The following GUF1 variants were observed in gnomAD, a reference collection of about 807,000 sequenced individuals.
GUF1 encodes the protein translation factor GUF1, mitochondrial.
A neutral mutation model predicts 82.4 loss-of-function variants in GUF1; 78 were observed. That is an observed-to-expected ratio of 0.95 (90% CI 0.79 to 1.14). The LOEUF (loss-of-function observed/expected upper bound fraction) is 1.14, where lower values mean the gene tolerates loss of function less well. Among genes scored for constraint, GUF1 ranks in the 50% most tolerant of loss-of-function variants. The pLI is 0.00. For missense variants in GUF1, 814 were observed against 798.2 expected (o/e 1.02, Z -0.24); for synonymous variants, 279 against 282.3 (o/e 0.99, Z 0.12).
Position 44,688,023 on chromosome 4 carries a change from G to T in GUF1, c.955G>T (p.Gly319Cys), listed in dbSNP as rs779998105. The T allele has an allele frequency of 1.2e-6, 2 of 1,611,650 alleles. No individual in the cohort carries two copies. The highest frequency in any genetic ancestry group is 2.7e-5 in the African/African-American group (2 of 74,750). Reference sequence around the variant, plus strand: ...TTTATTTAGATATGCAGGACAGGTGGGCTATCTGATTGCTGGGATGAAAGA... The same window carrying T: ...TTTATTTAGATATGCAGGACAGGTGTGCTATCTGATTGCTGGGATGAAAGA... ...PTHKLYAGQV[G>C]YLIAGMKDVT... Residue 319 changes from glycine (G) to cysteine (C), a missense_variant, in exon 9 of 17, where the codon GGC becomes TGC. Coordinates refer to ENST00000281543, the MANE Select transcript of GUF1 (RefSeq NM_021927.3).
rs1714822921 is a variant in GUF1, at chr4:44,682,412, G to C, written c.585+1G>C. On this transcript the variant is annotated splice_donor_variant, in intron 5 of 16. Transcript: ENST00000281543. LOFTEE classifies it high-confidence loss of function. ...ATCGGTAATTCCAGTTATAAATAAG[G>C]TAATTACAATGAGACAACAGTGTTG... 1 of 1,481,378 alleles carries C rather than the reference G, an allele frequency of 6.8e-7. No homozygotes were observed. The highest frequency in any genetic ancestry group is 9.0e-7 in the Non-Finnish European group (1 of 1,105,264). The allele number at this position is 1,481,378 out of a possible 1,614,324, so 91.8% of individuals were successfully genotyped here. A position where few individuals can be genotyped will look rare whatever the true frequency, so the allele number is the denominator to read the frequency against.
chr4:44,694,571 T>TCAAAAAAAAAAAAA (rs1715667078), intron 14 of GUF1, 58 bp downstream of exon 14: 26 of 1,088,414 alleles, frequency 2.4e-5, no homozygotes, highest in African/African-American at 6.4e-5. Context: ...TGTTTTTCAT[T>TCAAAAAAAAAAAAA]TATTTTTGTT....
Position 44,691,690 on chromosome 4 carries a change from A to G in GUF1, c.1504A>G (p.Met502Val), listed in dbSNP as rs775105453. The G allele has an allele frequency of 3.1e-6, 5 of 1,591,250 alleles. No individual in the cohort carries two copies. Among genetic ancestry groups the G allele is most frequent in the South Asian group, 1.1e-5 (1 of 88,350 alleles). ...CEARRAVQKN[M>V]IFIDQNRVML... Reference sequence around the variant, plus strand: ...GGCTCGAAGAGCAGTTCAGAAGAATATGATATTTATTGATCAAAATAGAGT... The same window carrying G: ...GGCTCGAAGAGCAGTTCAGAAGAATGTGATATTTATTGATCAAAATAGAGT... Residue 502 changes from methionine to valine, a missense_variant, in exon 13 of 17, where the codon ATG (methionine) becomes GTG (valine). Coordinates refer to ENST00000281543, the MANE Select transcript of GUF1 (RefSeq NM_021927.3).
Position 44,680,654 on chromosome 4 carries a change from T to A in GUF1, c.278-40T>A, listed in dbSNP as rs769816762. 15 of 1,435,530 alleles carry A rather than the reference T, an allele frequency of 1.0e-5. No homozygotes were observed. The South Asian group carries it at 1.1e-4, about 11-fold the overall frequency. 88.9% of individuals were successfully genotyped at this position (1,435,530 alleles called of 1,614,324 possible). On this transcript the variant is annotated intron_variant, in intron 2 of 16. Coordinates refer to ENST00000281543, the MANE Select transcript of GUF1 (RefSeq NM_021927.3). ...TATAAGTAATATTCTCTTTTTTTTTTAAAGCCCAGAGAAATATCAATAAGT... is the reference window on the plus strand; with the variant it reads ...TATAAGTAATATTCTCTTTTTTTTTAAAAGCCCAGAGAAATATCAATAAGT...
At chr4:44,683,605 GC>G (rs1714891220) in intron 6 of GUF1, among the ~76,000 whole-genome samples, 1 of 152,062 alleles carries the variant, frequency 6.6e-6, no homozygotes, top group Non-Finnish European at 1.5e-5. Context: ...TAAAACACAG[GC>G]CTTCTGAAAC....
At chr4:44,689,549 A>G (rs1385503129) in intron 10 of GUF1, 140 bp downstream of exon 10, 20 of 1,012,238 alleles carry the variant, frequency 2.0e-5, no homozygotes, top group African/African-American at 5.0e-5. Context: ...GTTCTGGAAC[A>G]TTTACTGAAA....
chr4:44,686,847 A>G, intron 8 of GUF1, 134 bp downstream of exon 8: 1 of 625,350 alleles, frequency 1.6e-6, no homozygotes, highest in Middle Eastern at 4.5e-4. Flanking sequence ...ACTATACAGT[A>G]AATGCTCTGT....
At chr4:44,687,624 T>C (rs896888049) in intron 8 of GUF1, among the ~76,000 whole-genome samples, 1 of 151,906 alleles carries the variant, frequency 6.6e-6, no homozygotes, top group Non-Finnish European at 1.5e-5. Context: ...AAAATTTACC[T>C]TTTTTTCCTT....
chr4:44,692,702 A>T (rs61549581), intron 13 of GUF1, among the ~76,000 whole-genome samples: 26,360 of 151,842 alleles, frequency 0.17, 2,662 homozygotes, highest in East Asian at 0.37. Flanking sequence ...TTACCAAGGA[A>T]TCTTCATGTT....
Position 44,691,813 on chromosome 4 carries a change from G to A in GUF1, c.1613+14G>A. ...TGGATATGCTAGGTAAAAAAATAAT[G>A]AGAACCTAAGATGCCTGACCAACTT... On this transcript the variant is annotated intron_variant, in intron 13 of 16. Transcript: ENST00000281543. 12 of 1,566,794 alleles carry A rather than the reference G, an allele frequency of 7.7e-6. No homozygotes were observed. Among genetic ancestry groups the A allele is most frequent in the Non-Finnish European group, 9.5e-6 (11 of 1,160,090 alleles).
At chr4:44,686,421 C>T (rs1715053166) in intron 7 of GUF1, 89 bp from the exon 8 acceptor site, 1 of 760,826 alleles carries the variant, frequency 1.3e-6, no homozygotes, top group Non-Finnish European at 2.0e-6. Flanking sequence ...TTCTCAAGAA[C>T]TCAAGTACAA....
At chr4:44,693,806 A>G (rs1157867852) in intron 13 of GUF1, 1 of 152,144 alleles carries the variant, frequency 6.6e-6, no homozygotes, top group African/African-American at 2.4e-5. Flanking sequence ...AGCTGAAACT[A>G]AGTGCTTGTG....
Position 44,691,731 on chromosome 4 carries a change from C to G in GUF1, c.1545C>G (p.Leu515=). 3 of 1,582,802 alleles carry G rather than the reference C, an allele frequency of 1.9e-6. No individual in the cohort carries two copies. The highest frequency in any genetic ancestry group is 2.6e-6 in the Non-Finnish European group (3 of 1,155,982). Residue 515 remains leucine (L), a synonymous_variant, in exon 13 of 17, where the codon CTC becomes CTG. Coordinates refer to ENST00000281543, the MANE Select transcript of GUF1 (RefSeq NM_021927.3). ...IDQNRVMLKY[L]FPLNEIVVDF... ...AAAATAGAGTTATGCTTAAATATCT[C>G]TTTCCTTTGAATGAAATTGTGGTAG...
chr4:44,682,893 G>A (rs1433848236), intron 5 of GUF1, among the ~76,000 whole-genome samples: 1 of 151,964 alleles, frequency 6.6e-6, no homozygotes, highest in African/African-American at 2.4e-5. Flanking sequence ...GAAGGCCATA[G>A]GTAAGACAGC....
rs186446521 is a variant in GUF1 at position 44,698,790 on chromosome 4, A to C, written c.*109A>C. On this transcript the variant is annotated 3_prime_UTR_variant, in exon 17 of 17. Transcript: ENST00000281543. ...CAGGGTATTCAGGTTCAAATAACCT[A>C]CTAGTCTTTCGTTGAAAGGGAGTAG... The C allele has an allele frequency of 4.1e-6, 4 of 974,438 alleles. No individual in the cohort carries two copies. The East Asian group carries it at 1.0e-4, about 25-fold the overall frequency. 60.4% of individuals were successfully genotyped at this position (974,438 alleles called of 1,614,324 possible). A position where few individuals can be genotyped will look rare whatever the true frequency, so the allele number is the denominator to read the frequency against.
chr4:44,697,552 T>G, intron 16 of GUF1, 108 bp downstream of exon 16: 1 of 537,960 alleles, frequency 1.9e-6, no homozygotes, highest in Non-Finnish European at 3.2e-6. Context: ...ATTCTTTGTT[T>G]CCAAGTTCCC....
chr4:44,689,664 T>G (rs919119459), intron 10 of GUF1, among the ~76,000 whole-genome samples, 179 bp from the exon 11 acceptor site: 14 of 151,764 alleles, frequency 9.2e-5, no homozygotes, highest in Non-Finnish European at 1.9e-4. Context: ...TTAAAATAGA[T>G]TCCCAATGGA....
chr4:44,678,734 G>T lies in GUF1; in HGVS notation c.112G>T (p.Ala38Ser). 6.5e-7 allele frequency: 1 copy of T among 1,532,466 alleles called. No homozygotes were observed. Among genetic ancestry groups the T allele is most frequent in the Non-Finnish European group, 8.7e-7 (1 of 1,150,636 alleles). The allele number at this position is 1,532,466 out of a possible 1,614,324, so 94.9% of individuals were successfully genotyped here. ...PGPRSAPTLG[A>S]APESWATDRL... The stretch of plus-strand genomic sequence containing the variant: ...GCCCCGGTCCGCGCCGACCCTTGGG[G>T]CTGCTCCAGAGTCCTGGGCTACCGA... Residue 38 changes from alanine (A) to serine (S), a missense_variant, in exon 1 of 17, where the codon GCT becomes TCT. Ala to Ser is a moderately conservative substitution (Grantham distance 99, BLOSUM62 1). Transcript: ENST00000281543.
chr4:44,678,664 T>C lies in GUF1; in HGVS notation c.42T>C (p.Ala14=), dbSNP rs747663957. Residue 14 remains alanine (A), a synonymous_variant, in exon 1 of 17, where the codon GCT becomes GCC. Transcript: ENST00000281543. The stretch of plus-strand genomic sequence containing the variant: ...GTCGGGGCTGGGGGTGCGCACGCGC[T>C]CTCGCGCCACGAGCCACTGGGGCCG... ...LVGRGWGCAR[A]LAPRATGAAL... 7 of 1,490,292 alleles carry C rather than the reference T, an allele frequency of 4.7e-6. No individual in the cohort carries two copies. Among genetic ancestry groups the C allele is most frequent in the Admixed American group, 3.0e-5 (1 of 33,014 alleles). The allele number at this position is 1,490,292 out of a possible 1,614,324, so 92.3% of individuals were successfully genotyped here. A position where few individuals can be genotyped will look rare whatever the true frequency, so the allele number is the denominator to read the frequency against.
Sources: gnomAD v4.1 joint callset for allele counts (sites outside exome capture counted in the v4.1 genomes callset) on GRCh38, gnomAD v4.1.1 for gene constraint, MANE v1.5 for transcripts, NCBI Gene and HGNC (gene_info 2026-07-23, HGNC 2026-07-21) for gene names.